Variants in BCL2L14 observed in about 807,000 individuals in gnomAD.
The protein encoded by BCL2L14 is apoptosis facilitator Bcl-2-like protein 14.
BCL2L14 carries 27 observed loss-of-function variants against 35.3 expected under a neutral mutation model. That is an observed-to-expected ratio of 0.76 (90% confidence interval 0.56 to 1.05). BCL2L14 has a LOEUF of 1.05. Ranked by LOEUF, BCL2L14 falls within the 50% of genes least tolerant of loss-of-function variation. The probability of loss-of-function intolerance (pLI) is 0.00; values close to 1 mark genes in which losing one functional copy is unlikely to be tolerated. For missense variants in BCL2L14, 377 were observed against 382.6 expected, an observed-to-expected ratio of 0.99 and a Z score of 0.12; for synonymous variants, 139 against 145.9, an observed-to-expected ratio of 0.95 and a Z score of 0.34.
intron 4 of BCL2L14, 158 bp from the exon 5 acceptor site, chr12:12,094,506 T>C (rs1949266432): frequency 1.2e-6 from 2 of 1,613,442 alleles, no homozygotes; most frequent in Non-Finnish European, 1.7e-6. Context: ...ATTCTGGTTC[T>C]GCAGGACACT....
At chr12:12,081,598 G>C (rs943064508) in intron 2 of BCL2L14, among the ~76,000 whole-genome samples, 1 of 147,848 alleles carries the variant, frequency 6.8e-6, no homozygotes, top group Non-Finnish European at 1.5e-5. Flanking sequence ...TTGCTCTGTC[G>C]CCCAGGCTGG....
At chr12:12,084,463 C>T (rs1049578823) in intron 2 of BCL2L14, among the ~76,000 whole-genome samples, 4 of 152,076 alleles carry the variant, frequency 2.6e-5, no homozygotes, top group Non-Finnish European at 5.9e-5. Flanking sequence ...AAGTCACACC[C>T]CAACCCCCTG....
chr12:12,051,476 C>T (rs2136703657), intron 1 of BCL2L14, among the ~76,000 whole-genome samples: 1 of 152,250 alleles, frequency 6.6e-6, no homozygotes, highest in Non-Finnish European at 1.5e-5. Context: ...CTTAACTCGC[C>T]TCTCATGAGG....
At chr12:12,095,344 C>CAA in intron 5 of BCL2L14, 1 of 985,392 alleles carries the variant, frequency 1.0e-6, no homozygotes, top group Non-Finnish European at 1.2e-6. Context: ...AAGCCTCATG[C>CAA]AGAGACTCAG....
chr12:12,074,824 A>G (rs1338720817), intron 1 of BCL2L14, among the ~76,000 whole-genome samples: 1 of 152,194 alleles, frequency 6.6e-6, no homozygotes, highest in East Asian at 1.9e-4. Flanking sequence ...ATTTTAAAAA[A>G]TAGGGATGGG....
chr12:12,053,905 A>G (rs78302917), intron 2 of BCL2L14, among the ~76,000 whole-genome samples: 4,350 of 152,240 alleles, frequency 0.029, 72 homozygotes, highest in African/African-American at 0.043. Flanking sequence ...AGTTCAAACT[A>G]AATGTTGGGT....
At chr12:12,092,676 G>A (rs909012327) in intron 4 of BCL2L14, among the ~76,000 whole-genome samples, 1 of 152,174 alleles carries the variant, frequency 6.6e-6, no homozygotes, top group African/African-American at 2.4e-5. Context: ...GCCTGCTAGG[G>A]TTTTGAGCCT....
upstream of BCL2L14, chr12:12,068,269 T>C: frequency 5.0e-6 from 2 of 397,994 alleles, no homozygotes; most frequent in Non-Finnish European, 8.9e-6. Context: ...TCCTAAATGG[T>C]TTCAGCAACA....
chr12:12,057,393 CT>C (rs1948448465), intron 2 of BCL2L14, among the ~76,000 whole-genome samples: 1 of 152,212 alleles, frequency 6.6e-6, no homozygotes, highest in Admixed American at 6.5e-5. Flanking sequence ...CCAGTAATCT[CT>C]TTGCCCATTG....
chr12:12,051,412 G>A (rs1364972792), intron 1 of BCL2L14, among the ~76,000 whole-genome samples: 1 of 152,142 alleles, frequency 6.6e-6, no homozygotes, highest in East Asian at 1.9e-4. Context: ...GGAATCCCGA[G>A]GGTTCCCCTC....
At chr12:12,087,420 A>G in intron 3 of BCL2L14, 34 bp downstream of exon 3, 1 of 1,606,874 alleles carries the variant, frequency 6.2e-7, no homozygotes, top group Non-Finnish European at 8.5e-7. Flanking sequence ...AGTGTTTGCC[A>G]GGCAGGGGCG....
chr12:12,065,979 TG>T (rs1293497524), upstream of BCL2L14, among the ~76,000 whole-genome samples: 6 of 151,988 alleles, frequency 3.9e-5, no homozygotes, highest in African/African-American at 1.4e-4. Flanking sequence ...TTAGTAGAGA[TG>T]GGGTTTCGCC....
intron 1 of BCL2L14, among the ~76,000 whole-genome samples, chr12:12,072,837 G>A (rs959167398): frequency 9.2e-5 from 14 of 151,660 alleles, no homozygotes; most frequent in African/African-American, 3.4e-4. Flanking sequence ...TTTATAACAA[G>A]GATTAGAGGA....
At position 12,095,058 on chromosome 12, in the gene BCL2L14, G is replaced by T. The variant is rs1461775922; in HGVS notation, c.945+128G>T. 5 of 1,452,304 alleles carry T rather than the reference G, an allele frequency of 3.4e-6. No homozygotes were observed. The African/African-American group carries it at 7.2e-5, about 21-fold the overall frequency. The allele number at this position is 1,452,304 out of a possible 1,614,324, so 90.0% of individuals were successfully genotyped here. Reference sequence around the variant, plus strand: ...TCTCATGAGTTTAGGACACTTGAGTGGCCAGAGATAGATCCCATTGATGGG... The same window carrying T: ...TCTCATGAGTTTAGGACACTTGAGTTGCCAGAGATAGATCCCATTGATGGG... On this transcript the variant is annotated intron_variant, in intron 5 of 5. Coordinates refer to ENST00000308721, the MANE Select transcript of BCL2L14 (RefSeq NM_138723.2).
At chr12:12,054,980 A>G in intron 2 of BCL2L14, 1 of 152,204 alleles carries the variant, frequency 6.6e-6, no homozygotes, top group East Asian at 1.9e-4. Flanking sequence ...AAAAATGATG[A>G]AACAGAATCA....
At chr12:12,050,811 A>G (rs28635034) in intron 1 of BCL2L14, among the ~76,000 whole-genome samples, 2 of 122,308 alleles carry the variant, frequency 1.6e-5, no homozygotes, top group Non-Finnish European at 3.5e-5. Flanking sequence ...AAAAAAAAAA[A>G]AAGAAAAGAA....
At chr12:12,056,554 G>A (rs1948435709) in intron 2 of BCL2L14, among the ~76,000 whole-genome samples, 2 of 152,204 alleles carry the variant, frequency 1.3e-5, no homozygotes, top group Admixed American at 6.5e-5. Flanking sequence ...AATAGGCTGG[G>A]CACGGTGGCT....
At chr12:12,064,066 A>T (rs1234796240) in intron 2 of BCL2L14, among the ~76,000 whole-genome samples, 1 of 152,136 alleles carries the variant, frequency 6.6e-6, no homozygotes, top group East Asian at 1.9e-4. Flanking sequence ...TCACATGGAC[A>T]TGCATGAAAC....
In BCL2L14 at chr12:12,099,057, C is replaced by A; in HGVS notation, c.*69C>A. The A allele has an allele frequency of 8.9e-7, 1 of 1,129,186 alleles. No individual in the cohort carries two copies. The highest frequency in any genetic ancestry group is 1.3e-6 in the Non-Finnish European group (1 of 740,776). 69.9% of individuals were successfully genotyped at this position (1,129,186 alleles called of 1,614,324 possible). On this transcript the variant is annotated 3_prime_UTR_variant, in exon 6 of 6. Coordinates refer to ENST00000308721, the MANE Select transcript of BCL2L14 (RefSeq NM_138723.2). ...CCTGTGCACGTTGGCCTCAGATGGA[C>A]TACAGGAGATTACAACGTACAAGGC...
Sources: allele counts gnomAD v4.1 joint callset (sites outside exome capture counted in the v4.1 genomes callset), GRCh38; gene constraint gnomAD v4.1.1; transcripts MANE v1.5; gene names NCBI Gene and HGNC (gene_info 2026-07-23, HGNC 2026-07-21).